The following CEMIP variants were observed in gnomAD, a reference collection of about 807,000 sequenced individuals.
CEMIP encodes cell migration inducing hyaluronidase 1.
Under a neutral mutation model 156.9 loss-of-function variants are expected in CEMIP, and 105 were observed. The observed-to-expected ratio is 0.67, with a 90% CI of 0.57 to 0.79. The LOEUF (loss-of-function observed/expected upper bound fraction) is 0.79, where lower values mean the gene tolerates loss of function less well. CEMIP is among the 30% of genes least tolerant of loss of function. CEMIP has a pLI of 0.00. For missense variants in CEMIP, 1,457 were observed against 1,769.4 expected, an observed-to-expected ratio of 0.82 and a Z score of 3.17; for synonymous variants, 676 against 668.4, an observed-to-expected ratio of 1.01 and a Z score of -0.17.
In CEMIP at chr15:80,867,957, C is replaced by T. The variant is rs1264737363; in HGVS notation, c.-175-5581C>T. ...GGGCAATGTCAGAGAAGGGTTTCTG[C>T]ATCACAATTTGTCAGGGAAGATTTC... On this transcript the variant is annotated intron_variant, in intron 1 of 29. Coordinates refer to ENST00000394685, the MANE Select transcript of CEMIP (RefSeq NM_001293298.2). Among the ~76,000 whole-genome samples, 5 of 152,160 alleles carry T rather than the reference C, an allele frequency of 3.3e-5. No homozygotes were observed. In the East Asian group the frequency reaches 7.7e-4, roughly 23 times the overall value.
chr15:80,896,284 G>C, intron 12 of CEMIP: 1 of 681,524 alleles, frequency 1.5e-6, no homozygotes, highest in Non-Finnish European at 2.7e-6. Flanking sequence ...TCCAGGCTGA[G>C]AGTTGGGTTC....
intron 24 of CEMIP, among the ~76,000 whole-genome samples, chr15:80,937,318 G>T (rs1216938971): frequency 6.6e-6 from 1 of 152,206 alleles, no homozygotes; most frequent in African/African-American, 2.4e-5. Flanking sequence ...CATCTGGATA[G>T]GGCTTCATAT....
At chr15:80,938,139 CG>C in intron 25 of CEMIP, 160 bp downstream of exon 25, 1 of 638,866 alleles carries the variant, frequency 1.6e-6, no homozygotes, top group South Asian at 1.8e-5. Context: ...CATACATTAA[CG>C]ACATTTTTAA....
intron 1 of CEMIP, among the ~76,000 whole-genome samples, chr15:80,789,186 C>T (rs1342091641): frequency 5.9e-5 from 9 of 152,132 alleles, no homozygotes. Flanking sequence ...AGGCAGAGAT[C>T]AGTACCAGAG....
intron 17 of CEMIP, among the ~76,000 whole-genome samples, chr15:80,923,918 G>A (rs1033033759): frequency 3.3e-5 from 5 of 152,184 alleles, no homozygotes; most frequent in South Asian, 2.1e-4. Flanking sequence ...TCACATCACC[G>A]CTGCTGAATT....
chr15:80,819,442 C>T (rs940934293), intron 1 of CEMIP, among the ~76,000 whole-genome samples: 2 of 152,108 alleles, frequency 1.3e-5, no homozygotes, highest in East Asian at 3.9e-4. Context: ...AATCAGGATG[C>T]CAGTGGTGTG....
chr15:80,945,244 A>G (rs1352347787), intron 28 of CEMIP, among the ~76,000 whole-genome samples: 1 of 152,174 alleles, frequency 6.6e-6, no homozygotes, highest in Non-Finnish European at 1.5e-5. Context: ...CCAGGCAAAG[A>G]AGTGTTCCCA....
intron 6 of CEMIP, among the ~76,000 whole-genome samples, chr15:80,882,782 A>C (rs1287344625): frequency 6.6e-6 from 1 of 151,808 alleles, no homozygotes; most frequent in East Asian, 1.9e-4. Context: ...ACACACACAC[A>C]TACACACACA....
In CEMIP at chr15:80,906,103, G is replaced by A. The variant is rs571257224; in HGVS notation, c.1412-560G>A. 1.3e-5 allele frequency among the ~76,000 whole-genome samples: 2 copies of A among 152,248 alleles called. No homozygotes were observed. Among genetic ancestry groups the A allele is most frequent in the East Asian group, 3.8e-4 (2 of 5,200 alleles). On this transcript the variant is annotated intron_variant, in intron 12 of 29. Transcript: ENST00000394685. The surrounding 1 kb of genome is among the most constrained non-coding windows in gnomAD (Gnocchi z 4.3). ...GAATTTGCACTGCTGTAAAGCAGGG[G>A]CTTTAAAGACAGAGGGGTTCTGTTT...
At chr15:80,846,025 C>G (rs1897547407) in intron 1 of CEMIP, among the ~76,000 whole-genome samples, 1 of 152,176 alleles carries the variant, frequency 6.6e-6, no homozygotes, top group African/African-American at 2.4e-5. Flanking sequence ...AACATCACTT[C>G]CAGGCTGAGG....
intron 12 of CEMIP, among the ~76,000 whole-genome samples, chr15:80,897,865 G>A (rs1899300081): frequency 6.6e-6 from 1 of 152,186 alleles, no homozygotes. Context: ...AGCAAAGAAA[G>A]AAACCTCACA....
chr15:80,862,657 G>A (rs754518662), intron 1 of CEMIP, among the ~76,000 whole-genome samples: 3 of 152,208 alleles, frequency 2.0e-5, no homozygotes, highest in Non-Finnish European at 4.4e-5. Context: ...TGGACTGGGG[G>A]GAGAATCCCT....
chr15:80,893,377 T>C (rs1000910911), intron 10 of CEMIP, among the ~76,000 whole-genome samples: 4 of 145,684 alleles, frequency 2.7e-5, no homozygotes, highest in Non-Finnish European at 6.1e-5. Context: ...TGAGGTCATT[T>C]TTCAGGTTAG....
At chr15:80,884,476 A>C in intron 7 of CEMIP, 122 bp downstream of exon 7, 1 of 1,001,754 alleles carries the variant, frequency 1.0e-6, no homozygotes, top group Non-Finnish European at 1.6e-6. Flanking sequence ...GACCTAGTGG[A>C]TGCAGGCATT....
chr15:80,833,247 C>G (rs1897196112), intron 1 of CEMIP, among the ~76,000 whole-genome samples: 1 of 152,142 alleles, frequency 6.6e-6, no homozygotes, highest in South Asian at 2.1e-4. Flanking sequence ...AAGATGTGGC[C>G]TGAGCAGTGG....
At chr15:80,832,270 T>TTAC (rs1215595630) in intron 1 of CEMIP, among the ~76,000 whole-genome samples, 1 of 151,856 alleles carries the variant, frequency 6.6e-6, no homozygotes, top group Non-Finnish European at 1.5e-5. Flanking sequence ...TGCCTATGTG[T>TTAC]TACTATACAG....
intron 1 of CEMIP, among the ~76,000 whole-genome samples, chr15:80,838,049 C>A (rs985020093): frequency 6.6e-6 from 1 of 152,224 alleles, no homozygotes; most frequent in Non-Finnish European, 1.5e-5. Context: ...ACAGCCCCCC[C>A]AGGTCTCTAT....
intron 29 of CEMIP, 66 bp downstream of exon 29, chr15:80,947,131 G>A (rs954860418): frequency 2.0e-6 from 2 of 1,022,952 alleles, no homozygotes; most frequent in African/African-American, 3.2e-5. Context: ...TGGCATGGAG[G>A]GTGCTGTCAT....
chr15:80,817,326 C>G (rs1233143922), intron 1 of CEMIP, among the ~76,000 whole-genome samples: 1 of 152,052 alleles, frequency 6.6e-6, no homozygotes, highest in Non-Finnish European at 1.5e-5. Flanking sequence ...TAGTGGCTCA[C>G]ACCTGTAGTC....
Sources: gnomAD v4.1 joint callset for allele counts (sites outside exome capture counted in the v4.1 genomes callset) on GRCh38, gnomAD v4.1.1 for gene constraint, Gnocchi (gnomAD v3.1) non-coding constraint, MANE v1.5 for transcripts, NCBI Gene and HGNC (gene_info 2026-07-23, HGNC 2026-07-21) for gene names.